The following NXPE2 variants were observed in gnomAD, a reference collection of about 807,000 sequenced individuals.
NXPE2 encodes the protein NXPE family member 2.
Under a neutral mutation model 34.4 loss-of-function variants are expected in NXPE2, and 34 were observed. That is an observed-to-expected ratio of 0.99 (90% confidence interval 0.75 to 1.31). NXPE2 has a LOEUF of 1.31. Among genes scored for constraint, NXPE2 ranks in the 40% most tolerant of loss-of-function variants. The probability of loss-of-function intolerance (pLI) is 0.00; values close to 1 mark genes in which losing one functional copy is unlikely to be tolerated. For synonymous variants in NXPE2, 235 were observed against 231.3 expected (o/e 1.02, Z -0.15); for missense variants, 649 against 672.5 (o/e 0.97, Z 0.39).
chr11:114,763,382 T>A, the NXPE2 span, among the ~76,000 whole-genome samples: 1 of 152,350 alleles, frequency 6.6e-6, no homozygotes, highest in African/African-American at 2.4e-5. Context: ...AAGGAGTTAA[T>A]ATAATTCTAG....
At chr11:114,570,529 C>G in the NXPE2 span, 3,206 of 156,258 alleles carry the variant, frequency 0.021, 120 homozygotes, top group African/African-American at 0.073. Context: ...CACAAGACTT[C>G]TCTTCTGACT....
chr11:114,692,158 G>T (rs766786414), intron 2 of NXPE2, among the ~76,000 whole-genome samples: 10 of 152,156 alleles, frequency 6.6e-5, no homozygotes, highest in Non-Finnish European at 1.5e-4. Context: ...TGTCTGCTGT[G>T]GTCACCACTG....
At chr11:114,482,770 T>C in the NXPE2 span, among the ~76,000 whole-genome samples, 17 of 152,196 alleles carry the variant, frequency 1.1e-4, no homozygotes, top group African/African-American at 4.1e-4. Context: ...ACTAAGACTT[T>C]CTCCAACACT....
At chr11:114,753,831 T>A in the NXPE2 span, among the ~76,000 whole-genome samples, 1 of 152,170 alleles carries the variant, frequency 6.6e-6, no homozygotes, top group South Asian at 2.1e-4. Flanking sequence ...TTAGGCCAGA[T>A]GTTACTGAGA....
At chr11:114,584,002 G>T in the NXPE2 span, 1 of 364,336 alleles carries the variant, frequency 2.7e-6, no homozygotes, top group East Asian at 6.3e-5. Flanking sequence ...AAGTAATAGA[G>T]ATGTTCCTGT....
chr11:114,503,293 A>G, the NXPE2 span, among the ~76,000 whole-genome samples: 1 of 152,166 alleles, frequency 6.6e-6, no homozygotes, highest in African/African-American at 2.4e-5. Flanking sequence ...ATGGCTAAGG[A>G]TTTCAGGTAT....
At chr11:114,805,457 A>C in the NXPE2 span, among the ~76,000 whole-genome samples, 1 of 152,206 alleles carries the variant, frequency 6.6e-6, no homozygotes, top group Non-Finnish European at 1.5e-5. Context: ...GGGGTGACAG[A>C]CACCACCTGG....
the NXPE2 span, among the ~76,000 whole-genome samples, chr11:114,590,879 T>A: frequency 6.6e-6 from 1 of 152,196 alleles, no homozygotes; most frequent in South Asian, 2.1e-4. Flanking sequence ...AACCTTTGGC[T>A]AACAGTCCGT....
chr11:114,617,328 C>A, the NXPE2 span, among the ~76,000 whole-genome samples: 1 of 151,980 alleles, frequency 6.6e-6, no homozygotes, highest in Non-Finnish European at 1.5e-5. Flanking sequence ...TCGTGGGTAA[C>A]CACTCTTACC....
chr11:114,499,522 G>C, the NXPE2 span, among the ~76,000 whole-genome samples: 1 of 152,060 alleles, frequency 6.6e-6, no homozygotes, highest in Non-Finnish European at 1.5e-5. Flanking sequence ...TGCATTTATA[G>C]ATTTAATAGC....
the NXPE2 span, among the ~76,000 whole-genome samples, chr11:114,770,019 A>AACT: frequency 2.8e-3 from 423 of 152,310 alleles, no homozygotes; most frequent in African/African-American, 8.9e-3. Flanking sequence ...GAAAGTGGAC[A>AACT]ACTACTTTTC....
chr11:114,623,908 CA>C, the NXPE2 span, among the ~76,000 whole-genome samples: 1 of 151,990 alleles, frequency 6.6e-6, no homozygotes, highest in Non-Finnish European at 1.5e-5. Context: ...CTAGGGTAAT[CA>C]TTGCTACCCA....
chr11:114,597,887 G>T, the NXPE2 span, among the ~76,000 whole-genome samples: 2 of 152,022 alleles, frequency 1.3e-5, no homozygotes, highest in Non-Finnish European at 2.9e-5. Flanking sequence ...TACAATCATT[G>T]TTCTCACATT....
chr11:114,609,012 T>G, the NXPE2 span, among the ~76,000 whole-genome samples: 1 of 151,954 alleles, frequency 6.6e-6, no homozygotes, highest in East Asian at 1.9e-4. Flanking sequence ...TAATAAGTGT[T>G]GCCTTGTGGG....
the NXPE2 span, among the ~76,000 whole-genome samples, chr11:114,791,344 A>G: frequency 6.6e-6 from 1 of 152,302 alleles, no homozygotes; most frequent in African/African-American, 2.4e-5. Context: ...AGTTGAAATA[A>G]GACCCCTCTG....
At chr11:114,627,237 A>C in the NXPE2 span, among the ~76,000 whole-genome samples, 1 of 152,124 alleles carries the variant, frequency 6.6e-6, no homozygotes. Context: ...CAAAGTTGAA[A>C]TGAAGGAAAA....
At chr11:114,522,459 G>A in the NXPE2 span, 42 of 1,610,026 alleles carry the variant, frequency 2.6e-5, no homozygotes, top group Non-Finnish European at 3.3e-5. Context: ...AGAAGCAAAT[G>A]TTTCTTAAAG....
chr11:114,627,058 G>T, the NXPE2 span, among the ~76,000 whole-genome samples: 1 of 152,034 alleles, frequency 6.6e-6, no homozygotes, highest in Non-Finnish European at 1.5e-5. Flanking sequence ...GTACCTGAAA[G>T]TGACGGGGTG....
At chr11:114,583,389 G>T in the NXPE2 span, 4 of 627,332 alleles carry the variant, frequency 6.4e-6, no homozygotes, top group East Asian at 3.8e-5. Flanking sequence ...CTCAACTATG[G>T]TTTCTACTGA....
Sources: gnomAD v4.1 joint callset for allele counts (sites outside exome capture counted in the v4.1 genomes callset) on GRCh38, gnomAD v4.1.1 for gene constraint, MANE v1.5 for transcripts, NCBI Gene and HGNC (gene_info 2026-07-23, HGNC 2026-07-21) for gene names.